SH3PXD2A: variants seen among roughly 807,000 people sequenced by gnomAD.
SH3PXD2A encodes the protein SH3 and PX domain-containing protein 2A.
SH3PXD2A carries 32 observed loss-of-function variants against 115.2 expected under a neutral mutation model. The ratio of observed to expected loss-of-function variants is 0.28; its 90% CI spans 0.21 to 0.37. SH3PXD2A has a LOEUF of 0.37. Ranked by LOEUF, SH3PXD2A falls within the 10% of genes least tolerant of loss-of-function variation. SH3PXD2A has a pLI of 1.00. For missense variants in SH3PXD2A, 1,328 were observed against 1,498.7 expected (o/e 0.89, Z 1.88); for synonymous variants, 610 against 629.1 (o/e 0.97, Z 0.45).
At chr10:103,781,702 C>A (rs1170240980) in intron 2 of SH3PXD2A, among the ~76,000 whole-genome samples, 2 of 152,216 alleles carry the variant, frequency 1.3e-5, no homozygotes, top group African/African-American at 4.8e-5. Context: ...AACCATCACT[C>A]CTCTCCCACA....
rs374863064 is a variant in SH3PXD2A, at chr10:103,600,864, T to TA, written c.*951dup. The TA allele has an allele frequency of 6.6e-6, 1 of 152,156 alleles. No individual in the cohort carries two copies. The highest frequency in any genetic ancestry group is 2.4e-5 in the African/African-American group (1 of 41,490). The allele number at this position is 152,156 out of a possible 1,614,324, so 9.4% of individuals were successfully genotyped here. On this transcript the variant is annotated 3_prime_UTR_variant, in exon 15 of 15. Transcript: ENST00000369774. ...AAAGCAAAATCACCCGCCCACAAGA[T>TA]ACAACAGAAACCCCATCCACTACCC...
At chr10:103,745,457 A>T (rs1033338754) in intron 3 of SH3PXD2A, among the ~76,000 whole-genome samples, 1 of 152,238 alleles carries the variant, frequency 6.6e-6, no homozygotes, top group African/African-American at 2.4e-5. Context: ...TAGTTTCCTC[A>T]GACTACAAAA....
chr10:103,840,910 C>G (rs61861114), intron 1 of SH3PXD2A, among the ~76,000 whole-genome samples: 15,319 of 152,264 alleles, frequency 0.1, 772 homozygotes, highest in East Asian at 0.16. Context: ...ATGTTACACA[C>G]AGCATTTAGG....
chr10:103,792,163 C>A (rs2039042421), intron 2 of SH3PXD2A, among the ~76,000 whole-genome samples: 1 of 152,192 alleles, frequency 6.6e-6, no homozygotes, highest in Admixed American at 6.5e-5. Flanking sequence ...CTTCAGGAAT[C>A]AAAGATGCCT....
rs1383892124 is a variant in SH3PXD2A, at chr10:103,596,478, G to A, written c.*5338C>T. 2 of 152,520 alleles carry A rather than the reference G, an allele frequency of 1.3e-5. No individual in the cohort carries two copies. Among genetic ancestry groups the A allele is most frequent in the African/African-American group, 4.8e-5 (2 of 41,418 alleles). The allele number at this position is 152,520 out of a possible 1,614,324, so 9.4% of individuals were successfully genotyped here. ...TTGCACTCTCCAGCCAGAATGATGT[G>A]TGTGAATGACACACTTGCTGCCAGA... is the stretch of plus-strand genomic sequence containing the variant. On this transcript the variant is annotated 3_prime_UTR_variant, in exon 15 of 15. Coordinates refer to ENST00000369774, the MANE Select transcript of SH3PXD2A (RefSeq NM_001394015.1).
At position 103,664,670 on chromosome 10, in the gene SH3PXD2A, C is replaced by CTT. The variant is rs34460765; in HGVS notation, c.473-3558_473-3557dup. 7.4e-3 allele frequency among the ~76,000 whole-genome samples: 1,052 copies of CTT among 141,982 alleles called. 17 individuals carry two copies. The highest frequency in any genetic ancestry group is 0.019 in the African/African-American group (714 of 38,452). 93.1% of individuals were successfully genotyped at this position (141,982 alleles called of 152,430 possible). A position where few individuals can be genotyped will look rare whatever the true frequency, so the allele number is the denominator to read the frequency against. On this transcript the variant is annotated intron_variant, in intron 7 of 14. Transcript: ENST00000369774. ...CTAGAGTATGGGTTTCTTTCTCTCT[C>CTT]TTTTTTTTTTTTTTGAGACGGAGTC...
intron 6 of SH3PXD2A, among the ~76,000 whole-genome samples, chr10:103,679,014 G>T (rs1360206199): frequency 6.6e-6 from 1 of 152,176 alleles, no homozygotes; most frequent in African/African-American, 2.4e-5. Context: ...CGTGGCACAT[G>T]GGGACAGTGG....
At chr10:103,703,862 C>CATGTGTGTGT (rs2037949425) in intron 5 of SH3PXD2A, among the ~76,000 whole-genome samples, 2 of 152,118 alleles carry the variant, frequency 1.3e-5, no homozygotes, top group African/African-American at 4.8e-5. Context: ...TGCGTGTGTG[C>CATGTGTGTGT]ATGTGTGTGT....
intron 9 of SH3PXD2A, among the ~76,000 whole-genome samples, chr10:103,624,437 C>T (rs1197525531): frequency 2.0e-5 from 3 of 152,182 alleles, no homozygotes; most frequent in African/African-American, 7.2e-5. Context: ...AGGTAACACA[C>T]CTCTCCTGGT....
intron 1 of SH3PXD2A, among the ~76,000 whole-genome samples, chr10:103,804,503 T>C (rs570127103): frequency 6.6e-6 from 1 of 151,940 alleles, no homozygotes; most frequent in East Asian, 1.9e-4. Context: ...TTGTATGTTT[T>C]AGTAGAGACA....
At position 103,602,654 on chromosome 10, in the gene SH3PXD2A, T is replaced by C; in HGVS notation, c.2564A>G (p.Gln855Arg). Residue 855 changes from glutamine to arginine, a missense_variant, in exon 15 of 15, where the codon CAG becomes CGG. Physicochemically the swap from Gln to Arg is conservative, Grantham distance 43 (BLOSUM62 1). Around this residue, in one of 5 missense-constraint regions of SH3PXD2A, gnomAD observed 574 missense variants for 565.7 expected, o/e 1.01. Coordinates refer to ENST00000369774, the MANE Select transcript of SH3PXD2A (RefSeq NM_001394015.1). ...YMTCSAYQKV[Q>R]DSEISFPAGV... is the part of the protein sequence containing the mutation. ...CGCGGGGAAGCTGATCTCCGAGTCCTGGACCTTCTGGTAGGCGCTGCATGT... is the reference window on the plus strand; with the variant it reads ...CGCGGGGAAGCTGATCTCCGAGTCCCGGACCTTCTGGTAGGCGCTGCATGT... 1 of 1,614,146 alleles carries C rather than the reference T, an allele frequency of 6.2e-7. No individual in the cohort carries two copies. Among genetic ancestry groups the C allele is most frequent in the Non-Finnish European group, 8.5e-7 (1 of 1,180,032 alleles).
Position 103,833,801 on chromosome 10 carries a change from C to T in SH3PXD2A, c.72+21394G>A, listed in dbSNP as rs547319210. ...CTTGGCCACTTCCCTATTAGCTGCCCCCAAGAGAGAAGTCCTATGACCCTG... is the reference window on the plus strand; with the variant it reads ...CTTGGCCACTTCCCTATTAGCTGCCTCCAAGAGAGAAGTCCTATGACCCTG... On this transcript the variant is annotated intron_variant, in intron 1 of 14. Transcript: ENST00000369774. Among the ~76,000 whole-genome samples the T allele has an allele frequency of 2.0e-5, 3 of 152,228 alleles. No individual in the cohort carries two copies. In the South Asian group the frequency reaches 6.2e-4, roughly 32 times the overall value.
At chr10:103,797,396 G>A (rs780429799) in intron 2 of SH3PXD2A, among the ~76,000 whole-genome samples, 8 of 152,130 alleles carry the variant, frequency 5.3e-5, no homozygotes, top group African/African-American at 9.6e-5. Flanking sequence ...GATCGGTGGC[G>A]GGGGGAGGTT....
At chr10:103,646,675 TA>T (rs925971773) in intron 8 of SH3PXD2A, among the ~76,000 whole-genome samples, 5 of 152,218 alleles carry the variant, frequency 3.3e-5, no homozygotes, top group African/African-American at 4.8e-5. Flanking sequence ...GTCTGCTCCA[TA>T]AAGATGGAGA....
intron 13 of SH3PXD2A, among the ~76,000 whole-genome samples, chr10:103,608,195 C>T (rs896513721): frequency 8.2e-6 from 1 of 122,476 alleles, no homozygotes; most frequent in Non-Finnish European, 1.7e-5. Context: ...GGCAGACCCA[C>T]CAGCAGGGAG....
At chr10:103,848,335 TAAAG>T (rs1054095506) in intron 1 of SH3PXD2A, among the ~76,000 whole-genome samples, 8 of 152,012 alleles carry the variant, frequency 5.3e-5, no homozygotes, top group African/African-American at 1.7e-4. Flanking sequence ...GCTGGCCAAC[TAAAG>T]AGTCCCCCAG....
At chr10:103,710,436 T>C (rs2038034080) in intron 5 of SH3PXD2A, among the ~76,000 whole-genome samples, 1 of 152,216 alleles carries the variant, frequency 6.6e-6, no homozygotes, top group Non-Finnish European at 1.5e-5. Context: ...CATGGTGAGA[T>C]ACAGTAATTG....
At chr10:103,824,441 A>G (rs1269348633) in intron 1 of SH3PXD2A, among the ~76,000 whole-genome samples, 1 of 152,080 alleles carries the variant, frequency 6.6e-6, no homozygotes, top group Non-Finnish European at 1.5e-5. Context: ...GTCAACCCGG[A>G]GGGGAAGCCA....
At chr10:103,745,762 T>C (rs2038494921) in intron 3 of SH3PXD2A, among the ~76,000 whole-genome samples, 1 of 151,916 alleles carries the variant, frequency 6.6e-6, no homozygotes, top group Non-Finnish European at 1.5e-5. Flanking sequence ...CCCTTCCTGA[T>C]TCACCCAACC....
Sources: allele counts gnomAD v4.1 joint callset (sites outside exome capture counted in the v4.1 genomes callset), GRCh38; gene constraint gnomAD v4.1.1; regional missense constraint gnomAD v4.1.1; transcripts MANE v1.5; gene names NCBI Gene and HGNC (gene_info 2026-07-23, HGNC 2026-07-21).